Variants in ZNF215 observed in about 807,000 individuals in gnomAD.
ZNF215 encodes the protein BWSCR2-associated zinc finger protein 2.
A neutral mutation model predicts 27.2 loss-of-function variants in ZNF215; 24 were observed. The ratio of observed to expected loss-of-function variants is 0.88; its 90% CI spans 0.64 to 1.24. The LOEUF (loss-of-function observed/expected upper bound fraction) is 1.24. Among genes scored for constraint, ZNF215 ranks in the 50% most tolerant of loss-of-function variants. The pLI is 0.00. For synonymous variants in ZNF215, 210 were observed against 204.0 expected (o/e 1.03, Z -0.25); for missense variants, 675 against 605.7 (o/e 1.11, Z -1.20).
intron 3 of ZNF215, among the ~76,000 whole-genome samples, chr11:6,939,102 A>G (rs932722086): frequency 6.6e-6 from 1 of 152,222 alleles, no homozygotes; most frequent in African/African-American, 2.4e-5. Flanking sequence ...ATCCAATTTT[A>G]TACTCATGGC....
At chr11:6,953,457 C>T (rs1204997444) in intron 6 of ZNF215, among the ~76,000 whole-genome samples, 1 of 152,126 alleles carries the variant, frequency 6.6e-6, no homozygotes, top group East Asian at 1.9e-4. Context: ...TTTCTCTAAA[C>T]CTCCTTTCTT....
chr11:6,956,465 T>A lies in ZNF215; in HGVS notation c.1488T>A (p.Ser496Arg), dbSNP rs1850362574. ...GEKPFKCKEC[S>R]KAFNRSSNLV... ...AACCATTCAAATGTAAGGAATGTAG[T>A]AAAGCCTTCAACAGGAGTTCAAACC... is the stretch of plus-strand genomic sequence containing the variant. The change falls in exon 7 of 7, where the codon AGT becomes AGA. Residue 496 changes from serine to arginine, a missense_variant. Transcript: ENST00000278319. 6 of 1,613,852 alleles carry A rather than the reference T, an allele frequency of 3.7e-6. No homozygotes were observed. The highest frequency in any genetic ancestry group is 5.1e-6 in the Non-Finnish European group (6 of 1,179,950).
At chr11:6,935,307 G>T (rs1849394210) in intron 3 of ZNF215, among the ~76,000 whole-genome samples, 1 of 152,158 alleles carries the variant, frequency 6.6e-6, no homozygotes, top group Non-Finnish European at 1.5e-5. Flanking sequence ...AAGAAGTGAA[G>T]AATAACATAG....
At chr11:6,965,481 A>G (rs1292654731) in intron 5 of ZNF215, among the ~76,000 whole-genome samples, 1 of 115,640 alleles carries the variant, frequency 8.6e-6, no homozygotes, top group African/African-American at 3.2e-5. Context: ...TTCTAGAACT[A>G]TTTATAGACA....
At chr11:6,986,807 T>G (rs1235735280), downstream of ZNF215, among the ~76,000 whole-genome samples, 1 of 152,074 alleles carries the variant, frequency 6.6e-6, no homozygotes, top group Non-Finnish European at 1.5e-5. Flanking sequence ...GGATACCATC[T>G]CACACCAGGC....
chr11:6,972,387 G>C (rs1850735343), intron 5 of ZNF215, among the ~76,000 whole-genome samples: 1 of 139,702 alleles, frequency 7.2e-6, no homozygotes, highest in Non-Finnish European at 1.5e-5. Flanking sequence ...GCCCCCGTTA[G>C]ACTAAGTTTA....
At chr11:6,948,199 GTTC>G (rs1849893772) in intron 6 of ZNF215, among the ~76,000 whole-genome samples, 1 of 152,138 alleles carries the variant, frequency 6.6e-6, no homozygotes, top group African/African-American at 2.4e-5. Context: ...AAATATTTGT[GTTC>G]TTCTCCCTTG....
At chr11:6,934,484 G>A (rs563023621) in intron 3 of ZNF215, among the ~76,000 whole-genome samples, 3 of 152,190 alleles carry the variant, frequency 2.0e-5, no homozygotes, top group South Asian at 4.2e-4. Flanking sequence ...GATCCAACAC[G>A]GGTCTCCCTC....
At position 6,932,308 on chromosome 11, in the gene ZNF215, A is replaced by C. The variant is rs899623825; in HGVS notation, c.36A>C (p.Lys12Asn). The change falls in exon 3 of 7, where the codon AAA (lysine) becomes AAC (asparagine). Residue 12 changes from lysine to asparagine, a missense_variant. Physicochemically the swap from Lys to Asn is moderately conservative, Grantham distance 94. Transcript: ENST00000278319. ...QPLSKLMAIS[K>N]PRNLSLREQR... Reference sequence around the variant, plus strand: ...TGAGCAAGTTGATGGCTATCTCAAAACCTCGAAACCTGTCTCTACGTGAAC... The same window carrying C: ...TGAGCAAGTTGATGGCTATCTCAAACCCTCGAAACCTGTCTCTACGTGAAC... 2 of 1,613,956 alleles carry C rather than the reference A, an allele frequency of 1.2e-6. No homozygotes were observed. Among genetic ancestry groups the C allele is most frequent in the Non-Finnish European group, 1.7e-6 (2 of 1,179,998 alleles).
In ZNF215 at chr11:6,956,512, A is replaced by G; in HGVS notation, c.1535A>G (p.His512Arg). The G allele has an allele frequency of 6.3e-7, 1 of 1,590,822 alleles. No homozygotes were observed. The highest frequency in any genetic ancestry group is 1.8e-5 in the Admixed American group (1 of 54,304). The change falls in exon 7 of 7, where the codon CAT becomes CGT. Residue 512 changes from histidine (H) to arginine (R), a missense_variant. Physicochemically the swap from His to Arg is conservative, Grantham distance 29. Coordinates refer to ENST00000278319, the MANE Select transcript of ZNF215 (RefSeq NM_013250.4). ...SSNLVKHQKL[H>R]TRDKS is the part of the protein sequence containing the mutation. The stretch of plus-strand genomic sequence containing the variant: ...AACCTTGTTAAACATCAAAAACTGC[A>G]TACTCGAGATAAGTCCTGAAAAAAG...
At chr11:6,930,947 ACTGGGTAATT>A (rs1409329686) in intron 2 of ZNF215, among the ~76,000 whole-genome samples, 1 of 152,186 alleles carries the variant, frequency 6.6e-6, no homozygotes, top group Admixed American at 6.5e-5. Context: ...GACGATTTGG[ACTGGGTAATT>A]CTTTGCTATA....
rs773062998 is a variant in ZNF215 at position 6,957,107 on chromosome 11, A to G, written c.*576A>G. The stretch of plus-strand genomic sequence containing the variant: ...TGGAGACTAGAGTTGGGAAAGGGTT[A>G]TCAACTGCAATGGGAGAAGTATGTA... On this transcript the variant is annotated 3_prime_UTR_variant, in exon 7 of 7. Coordinates refer to ENST00000278319, the MANE Select transcript of ZNF215 (RefSeq NM_013250.4). 48 of 985,486 alleles carry G rather than the reference A, an allele frequency of 4.9e-5. No homozygotes were observed. Among genetic ancestry groups the G allele is most frequent in the Middle Eastern group, 1.0e-3 (2 of 1,936 alleles). 61.0% of individuals were successfully genotyped at this position (985,486 alleles called of 1,614,324 possible). A position where few individuals can be genotyped will look rare whatever the true frequency, so the allele number is the denominator to read the frequency against.
intron 6 of ZNF215, among the ~76,000 whole-genome samples, chr11:6,953,334 T>C (rs943018546): frequency 1.3e-5 from 2 of 152,244 alleles, no homozygotes; most frequent in East Asian, 1.9e-4. Flanking sequence ...GAGTGTTTTC[T>C]AACTTGGTTC....
downstream of ZNF215, among the ~76,000 whole-genome samples, chr11:6,990,418 C>T (rs770907293): frequency 2.6e-5 from 4 of 151,848 alleles, no homozygotes; most frequent in Admixed American, 6.6e-5. Flanking sequence ...TTTTTAAAAA[C>T]CAAAAAGGAT....
rs372366638 is a variant in ZNF215 at position 6,976,080 on chromosome 11, A to G, written c.806-8049A>G. ...ATATGTCATTGTAGTTTTGATTTGC[A>G]TTTCTCTGATCAATGATGTTGAGCA... On this transcript the variant is annotated intron_variant, in intron 5 of 5. Coordinates refer to the ZNF215 transcript ENST00000529903. Among the ~76,000 whole-genome samples, 10 of 152,088 alleles carry G rather than the reference A, an allele frequency of 6.6e-5. No homozygotes were observed. In the South Asian group the frequency reaches 1.0e-3, roughly 16 times the overall value.
downstream of ZNF215, among the ~76,000 whole-genome samples, chr11:6,985,054 G>A (rs1242641960): frequency 1.3e-5 from 2 of 151,954 alleles, no homozygotes; most frequent in East Asian, 3.9e-4. Context: ...TTCTCTAAAG[G>A]CAGCATCACC....
At chr11:6,981,144 C>T (rs1304049798) in intron 5 of ZNF215, among the ~76,000 whole-genome samples, 1 of 150,902 alleles carries the variant, frequency 6.6e-6, no homozygotes, top group Non-Finnish European at 1.5e-5. Context: ...ATGGCTGGGT[C>T]AAATGGTATT....
At chr11:6,934,365 T>A (rs1849365552) in intron 3 of ZNF215, among the ~76,000 whole-genome samples, 1 of 152,202 alleles carries the variant, frequency 6.6e-6, no homozygotes, top group African/African-American at 2.4e-5. Context: ...TGAGGGGTGC[T>A]TATTTGTAGT....
chr11:6,981,928 G>A (rs1306361856), intron 5 of ZNF215, among the ~76,000 whole-genome samples: 3 of 152,070 alleles, frequency 2.0e-5, no homozygotes, highest in Admixed American at 6.6e-5. Context: ...TAGATATGCG[G>A]CATTATTTCT....
Sources: allele counts gnomAD v4.1 joint callset (sites outside exome capture counted in the v4.1 genomes callset), GRCh38; gene constraint gnomAD v4.1.1; transcripts MANE v1.5; gene names NCBI Gene and HGNC (gene_info 2026-07-23, HGNC 2026-07-21).